The following RHBDF2 variants were observed in gnomAD, a reference collection of about 807,000 sequenced individuals.
The protein encoded by RHBDF2 is inactive rhomboid protein 2.
A neutral mutation model predicts 95.2 loss-of-function variants in RHBDF2; 38 were observed. The ratio of observed to expected loss-of-function variants is 0.40; its 90% CI spans 0.31 to 0.52. The LOEUF (loss-of-function observed/expected upper bound fraction) is 0.52. Among genes scored for constraint, RHBDF2 ranks in the 20% least tolerant of loss-of-function variants. The pLI is 0.56. For missense variants in RHBDF2, 863 were observed against 1,137.7 expected (o/e 0.76, Z 3.47); for synonymous variants, 442 against 462.0 (o/e 0.96, Z 0.55).
At chr17:76,488,686 C>T (rs2074212178) in intron 1 of RHBDF2, among the ~76,000 whole-genome samples, 3 of 152,230 alleles carry the variant, frequency 2.0e-5, no homozygotes, top group Admixed American at 6.5e-5. Context: ...CAGTGGCTCA[C>T]GCCTGTAATC....
At chr17:76,486,011 G>T (rs1326439034) in intron 2 of RHBDF2, among the ~76,000 whole-genome samples, 3 of 151,532 alleles carry the variant, frequency 2.0e-5, no homozygotes, top group East Asian at 3.9e-4. Context: ...CTTTCTTTAG[G>T]GGGTGATGAA....
At chr17:76,486,212 C>T (rs1415643847) in intron 2 of RHBDF2, among the ~76,000 whole-genome samples, 11 of 152,082 alleles carry the variant, frequency 7.2e-5, no homozygotes, top group African/African-American at 2.2e-4. Flanking sequence ...CAGGTTCAAG[C>T]GATTCTCCTG....
chr17:76,493,403 T>A (rs1011792839), intron 1 of RHBDF2, among the ~76,000 whole-genome samples: 3 of 151,930 alleles, frequency 2.0e-5, no homozygotes, highest in Non-Finnish European at 2.9e-5. Flanking sequence ...TCCCCATGCA[T>A]CCCCAAGCTG....
chr17:76,500,568 C>T (rs904675780), intron 1 of RHBDF2, among the ~76,000 whole-genome samples: 10 of 152,160 alleles, frequency 6.6e-5, no homozygotes, highest in Admixed American at 6.5e-4. Context: ...TCAGACACAC[C>T]CGCTGCCACC....
intron 2 of RHBDF2, among the ~76,000 whole-genome samples, chr17:76,485,431 A>G (rs1245855992): frequency 6.7e-6 from 1 of 150,010 alleles, no homozygotes; most frequent in Non-Finnish European, 1.5e-5. Flanking sequence ...AAAAAAAAAA[A>G]AAGAGCTGGG....
At chr17:76,478,224 A>C in intron 6 of RHBDF2, among the ~76,000 whole-genome samples, 1 of 151,968 alleles carries the variant, frequency 6.6e-6, no homozygotes, top group African/African-American at 2.4e-5. Flanking sequence ...CCCTTCACTA[A>C]AACCACATCA....
rs370500548 is a variant in RHBDF2 at position 76,472,975 on chromosome 17, C to T, written c.1910+30G>A. On this transcript the variant is annotated intron_variant, in intron 17 of 18. Transcript: ENST00000675367. ...CCGGCTGGGTGGCCATCACAGGGGT[C>T]GGGTTCGGGGGCAGTGAGGAGCCTC... 3.8e-4 allele frequency: 615 copies of T among 1,607,816 alleles called. 2 individuals are homozygous for T. Among genetic ancestry groups the T allele is most frequent in the South Asian group, 7.4e-4 (67 of 90,916 alleles).
rs148300552 is a variant in RHBDF2, at chr17:76,475,068, C to A, written c.1189G>T (p.Ala397Ser). 2 of 1,596,726 alleles carry A rather than the reference C, an allele frequency of 1.3e-6. No homozygotes were observed. The highest frequency in any genetic ancestry group is 8.5e-7 in the Non-Finnish European group (1 of 1,172,560). ...ACGTGCTGGGCAAAGCCCACGGGTG[C>A]GATGCCATACGTGCAAATCACCAGC... ...TLLVICTYGI[A>S]PVGFAQHVTT... The change falls in exon 10 of 19, where the codon GCA (alanine) becomes TCA (serine). Residue 397 changes from alanine (A) to serine (S), a missense_variant. Transcript: ENST00000675367.
chr17:76,473,291 C>G lies in RHBDF2; in HGVS notation c.1770G>C (p.Met590Ile). The stretch of plus-strand genomic sequence containing the variant: ...TTGCTTCCTCATGGAAATAGCCGTG[C>G]ATGAACTCACAGTATTCCCGGGTGG... The part of the protein sequence containing the change: ...EITTREYCEF[M>I]HGYFHEEATL... Residue 590 changes from methionine (M) to isoleucine (I), a missense_variant, in exon 16 of 19, where the codon ATG (methionine) becomes ATC (isoleucine). By Grantham distance (10) the Met-to-Ile change is conservative. Coordinates refer to ENST00000675367, the MANE Select transcript of RHBDF2 (RefSeq NM_001005498.4). 1 of 1,613,038 alleles carries G rather than the reference C, an allele frequency of 6.2e-7. No homozygotes were observed. Among genetic ancestry groups the G allele is most frequent in the Non-Finnish European group, 8.5e-7 (1 of 1,179,492 alleles).
At chr17:76,490,224 C>A (rs1293748744) in intron 1 of RHBDF2, among the ~76,000 whole-genome samples, 4 of 152,218 alleles carry the variant, frequency 2.6e-5, no homozygotes, top group Non-Finnish European at 4.4e-5. Context: ...TTCTTTAAGG[C>A]TAGTCCAGCA....
intron 1 of RHBDF2, among the ~76,000 whole-genome samples, chr17:76,490,655 C>G (rs1438667379): frequency 6.6e-6 from 1 of 152,060 alleles, no homozygotes; most frequent in East Asian, 1.9e-4. Context: ...TAGGATCTTT[C>G]TGGAACCCAG....
intron 1 of RHBDF2, among the ~76,000 whole-genome samples, chr17:76,492,436 A>G (rs77254335): frequency 0.072 from 10,995 of 152,244 alleles, 494 homozygotes; most frequent in Middle Eastern, 0.14. Context: ...ACAAAGGGTG[A>G]GGCCAGGCAC....
chr17:76,497,933 G>A (rs2074468597), intron 1 of RHBDF2, among the ~76,000 whole-genome samples: 1 of 151,968 alleles, frequency 6.6e-6, no homozygotes, highest in South Asian at 2.1e-4. Flanking sequence ...TGCCCACTTG[G>A]CTGAAACCAC....
intron 1 of RHBDF2, among the ~76,000 whole-genome samples, chr17:76,496,769 T>A (rs1190778481): frequency 6.6e-6 from 1 of 152,104 alleles, no homozygotes; most frequent in Non-Finnish European, 1.5e-5. Context: ...TTTTTTTTTC[T>A]TTTATTTTTT....
At chr17:76,490,437 G>A (rs1356711412) in intron 1 of RHBDF2, among the ~76,000 whole-genome samples, 1 of 152,102 alleles carries the variant, frequency 6.6e-6, no homozygotes, top group African/African-American at 2.4e-5. Flanking sequence ...CCTGCTCTGG[G>A]GACAGCTCCA....
chr17:76,484,056 G>C (rs1011523567), intron 2 of RHBDF2, among the ~76,000 whole-genome samples: 1 of 152,134 alleles, frequency 6.6e-6, no homozygotes, highest in Non-Finnish European at 1.5e-5. Flanking sequence ...GAGGTCGGGA[G>C]TTCGAGACCA....
chr17:76,484,335 C>T (rs2074058153), intron 2 of RHBDF2, among the ~76,000 whole-genome samples: 1 of 152,134 alleles, frequency 6.6e-6, no homozygotes, highest in African/African-American at 2.4e-5. Context: ...GGTTCCTGGG[C>T]AAGTTTTGTT....
Position 76,477,254 on chromosome 17 carries a change from T to TG in RHBDF2, c.845dup (p.Leu283ThrfsTer52), listed in dbSNP as rs756639910. 4 of 1,605,602 alleles carry TG rather than the reference T, an allele frequency of 2.5e-6. No individual in the cohort carries two copies. The highest frequency in any genetic ancestry group is 3.4e-6 in the Non-Finnish European group (4 of 1,177,578). ...TCCCTCGGAAGTAGCTGGCAGAGAG[T>TG]GGGGGGGACTCAAAGACATCATCAG... On this transcript the variant is annotated frameshift_variant, in exon 8 of 19. Transcript: ENST00000675367. LOFTEE classifies it high-confidence loss of function.
chr17:76,474,457 G>A lies in RHBDF2; in HGVS notation c.1380C>T (p.Arg460=), dbSNP rs34005184. 3.2e-5 allele frequency: 51 copies of A among 1,614,088 alleles called. No homozygotes were observed. The highest frequency in any genetic ancestry group is 3.1e-4 in the African/African-American group (23 of 75,042). Residue 460 remains arginine (R), a synonymous_variant, in exon 12 of 19, where the codon CGC becomes CGT. Coordinates refer to ENST00000675367, the MANE Select transcript of RHBDF2 (RefSeq NM_001005498.4). ...CTGAGTCCCGCTCCAGGTCTCGCTC[G>A]CGCAGCACCAGCTGCTCGATCTGCC... ...KDGQIEQLVL[R]ERDLERDSGC...
Sources: allele counts gnomAD v4.1 joint callset (sites outside exome capture counted in the v4.1 genomes callset), GRCh38; gene constraint gnomAD v4.1.1; transcripts MANE v1.5; gene names NCBI Gene and HGNC (gene_info 2026-07-23, HGNC 2026-07-21).